ATP8B1: variants seen among roughly 807,000 people sequenced by gnomAD.
The protein encoded by ATP8B1 is phospholipid-transporting ATPase IC.
A neutral mutation model predicts 149.9 loss-of-function variants in ATP8B1; 80 were observed. The observed-to-expected ratio is 0.53, with a 90% CI of 0.45 to 0.64. The LOEUF is 0.64. ATP8B1 is among the 30% of genes least tolerant of loss of function. The probability of loss-of-function intolerance (pLI) is 0.00; values close to 1 mark genes in which losing one functional copy is unlikely to be tolerated. For synonymous variants in ATP8B1, 536 were observed against 562.8 expected, an observed-to-expected ratio of 0.95 and a Z score of 0.67; for missense variants, 1,247 against 1,552.6, an observed-to-expected ratio of 0.80 and a Z score of 3.31.
rs34422185 is a variant in ATP8B1, at chr18:57,668,554, TAAA to T, written c.2098-17_2098-15del. The stretch of plus-strand genomic sequence containing the variant: ...AGCTCCCAGGAGCTAGAATGTATAT[TAAA>T]AAAAAAAAAAAAAGGAATTAGCAAA... On this transcript the variant is annotated splice_polypyrimidine_tract_variant and intron_variant, in intron 18 of 27. Transcript: ENST00000648908. The T allele has an allele frequency of 3.3e-5, 21 of 643,504 alleles. 1 individual carries two copies. Among genetic ancestry groups the T allele is most frequent in the African/African-American group, 4.8e-5 (2 of 41,464 alleles). The allele number at this position is 643,504 out of a possible 1,614,324, so 39.9% of individuals were successfully genotyped here. A position where few individuals can be genotyped will look rare whatever the true frequency, so the allele number is the denominator to read the frequency against.
intron 16 of ATP8B1, among the ~76,000 whole-genome samples, chr18:57,672,650 T>C (rs1428491054): frequency 6.6e-6 from 1 of 151,874 alleles, no homozygotes; most frequent in Non-Finnish European, 1.5e-5. Flanking sequence ...GCCAGTCACC[T>C]GAGGTCGGCA....
intron 1 of ATP8B1, among the ~76,000 whole-genome samples, chr18:57,790,470 C>A (rs2123449055): frequency 6.6e-6 from 1 of 152,234 alleles, no homozygotes; most frequent in East Asian, 1.9e-4. Context: ...CCATGGTAGC[C>A]CCAGCATCAT....
intron 1 of ATP8B1, among the ~76,000 whole-genome samples, chr18:57,736,271 C>T (rs1426669968): frequency 6.6e-6 from 1 of 152,038 alleles, no homozygotes; most frequent in African/African-American, 2.4e-5. Flanking sequence ...TCCTATTCAG[C>T]AGGAAACACT....
intron 1 of ATP8B1, among the ~76,000 whole-genome samples, chr18:57,783,827 C>A (rs1445773979): frequency 6.6e-6 from 1 of 151,528 alleles, no homozygotes; most frequent in African/African-American, 2.4e-5. Context: ...AGAGTGAGAC[C>A]CCGTCTTAAA....
intron 2 of ATP8B1, among the ~76,000 whole-genome samples, chr18:57,713,651 T>G (rs976007115): frequency 6.6e-6 from 1 of 151,052 alleles, no homozygotes; most frequent in Non-Finnish European, 1.5e-5. Context: ...CCACCATGCT[T>G]GGCTAATTTT....
intron 13 of ATP8B1, among the ~76,000 whole-genome samples, chr18:57,687,234 T>C (rs900185649): frequency 2.6e-5 from 4 of 152,206 alleles, no homozygotes; most frequent in Non-Finnish European, 5.9e-5. Context: ...CATTAAACAG[T>C]AACTCCCAAT....
chr18:57,666,714 T>G (rs1910882002), intron 20 of ATP8B1, among the ~76,000 whole-genome samples: 1 of 152,080 alleles, frequency 6.6e-6, no homozygotes, highest in African/African-American at 2.4e-5. Context: ...TTTTGTAGTT[T>G]TAGTAGAGAC....
chr18:57,744,364 G>GA (rs1469717022), intron 1 of ATP8B1, among the ~76,000 whole-genome samples: 2 of 149,504 alleles, frequency 1.3e-5, no homozygotes, highest in African/African-American at 2.5e-5. Flanking sequence ...GTGGCAGCCA[G>GA]AAAAATGTGC....
rs767953266 is a variant in ATP8B1 at position 57,648,645 on chromosome 18, C to T, written c.3599G>A (p.Arg1200Gln). 5.7e-6 allele frequency: 9 copies of T among 1,592,762 alleles called. No homozygotes were observed. Among genetic ancestry groups the T allele is most frequent in the East Asian group, 4.6e-5 (2 of 43,580 alleles). ...GGCCGAGCGCCGCGTTGACACGCCCCGGCGGAACACCTGCTGCCGTCGCTG... is the reference window on the plus strand; with the variant it reads ...GGCCGAGCGCCGCGTTGACACGCCCTGGCGGAACACCTGCTGCCGTCGCTG... ...QWQRRQQVFR[R>Q]GVSTRRSAYA... The change falls in exon 28 of 28, where the codon CGG (arginine) becomes CAG (glutamine). Residue 1200 changes from arginine (R) to glutamine (Q), a missense_variant. Arg to Gln is a conservative substitution (Grantham distance 43). This residue lies in a region of ATP8B1 where 164 missense variants were observed against 160.3 expected (regional missense o/e 1.02). Transcript: ENST00000648908.
intron 1 of ATP8B1, among the ~76,000 whole-genome samples, chr18:57,755,072 T>A (rs1450906622): frequency 6.6e-6 from 1 of 152,192 alleles, no homozygotes; most frequent in African/African-American, 2.4e-5. Context: ...TGTCTTTACA[T>A]CTGACACCTC....
In ATP8B1 at chr18:57,784,110, C is replaced by G. The variant is rs1367807441; in HGVS notation, c.-26+18888G>C. ...GGCCAAAAGGCAAAAGATAAGGAGCCTTTCAGAGGAAGAGCTTTTCAAGCG... is the reference window on the plus strand; with the variant it reads ...GGCCAAAAGGCAAAAGATAAGGAGCGTTTCAGAGGAAGAGCTTTTCAAGCG... On this transcript the variant is annotated intron_variant, in intron 1 of 27. Coordinates refer to ENST00000648908, the MANE Select transcript of ATP8B1 (RefSeq NM_001374385.1). The surrounding 1 kb of genome is among the most constrained non-coding windows in gnomAD (Gnocchi z 4.4). 6.6e-6 allele frequency among the ~76,000 whole-genome samples: 1 copy of G among 152,192 alleles called. No individual in the cohort carries two copies. The highest frequency in any genetic ancestry group is 1.5e-5 in the Non-Finnish European group (1 of 68,034).
At chr18:57,752,730 C>T (rs985627143) in intron 1 of ATP8B1, among the ~76,000 whole-genome samples, 7 of 152,204 alleles carry the variant, frequency 4.6e-5, no homozygotes, top group South Asian at 4.1e-4. Context: ...TTGCACTTCA[C>T]AGCTTGCAAA....
Position 57,677,952 on chromosome 18 carries a change from G to GA in ATP8B1, c.1631-2931dup, listed in dbSNP as rs575991294. Among the ~76,000 whole-genome samples the GA allele has an allele frequency of 9.0e-4, 136 of 150,876 alleles. 1 individual carries two copies. The highest frequency in any genetic ancestry group is 2.8e-3 in the Admixed American group (42 of 15,144). ...ACACCTTGATATTTTTATCATTAAA[G>GA]AAAAAAAAATGTTTTCCATTACCTT... On this transcript the variant is annotated intron_variant, in intron 15 of 27. Coordinates refer to ENST00000648908, the MANE Select transcript of ATP8B1 (RefSeq NM_001374385.1).
intron 20 of ATP8B1, among the ~76,000 whole-genome samples, chr18:57,664,069 CTTTTTT>C (rs10598901): frequency 2.2e-5 from 3 of 133,752 alleles, no homozygotes; most frequent in Non-Finnish European, 1.6e-5. Flanking sequence ...CTGGCCAGCC[CTTTTTT>C]TTTTTTTTTT....
intron 1 of ATP8B1, among the ~76,000 whole-genome samples, chr18:57,756,236 C>CATATAT (rs376210260): frequency 1.9e-5 from 2 of 106,146 alleles, no homozygotes; most frequent in East Asian, 2.1e-4. Context: ...CACACACACA[C>CATATAT]ATATATACAC....
intron 23 of ATP8B1, 91 bp downstream of exon 23, chr18:57,655,103 A>G (rs1909900251): frequency 6.5e-6 from 8 of 1,226,168 alleles, no homozygotes; most frequent in South Asian, 3.8e-5. Context: ...AACTACAAAT[A>G]TAGAAGAAAT....
At position 57,648,852 on chromosome 18, in the gene ATP8B1, T is replaced by TG. The variant is rs1909382370; in HGVS notation, c.3532-141_3532-140insC. 1.1e-4 allele frequency: 60 copies of TG among 557,574 alleles called. 5 individuals are homozygous for TG. The highest frequency in any genetic ancestry group is 6.4e-4 in the African/African-American group (28 of 43,678). The allele number at this position is 557,574 out of a possible 1,614,324, so 34.5% of individuals were successfully genotyped here. ...TTGATGCAGGCAGTTCTGTCCCCAC[T>TG]TGTGTGTGTGTGTGTGTGTGTGTGT... On this transcript the variant is annotated intron_variant, in intron 27 of 27. Coordinates refer to ENST00000648908, the MANE Select transcript of ATP8B1 (RefSeq NM_001374385.1).
At chr18:57,773,214 A>AG (rs1186815005) in intron 1 of ATP8B1, among the ~76,000 whole-genome samples, 13 of 151,294 alleles carry the variant, frequency 8.6e-5, no homozygotes, top group African/African-American at 2.2e-4. Context: ...AAAAAAAAAA[A>AG]AAAAGAAAAG....
chr18:57,706,368 T>A, intron 3 of ATP8B1, 122 bp downstream of exon 3: 1 of 763,414 alleles, frequency 1.3e-6, no homozygotes, highest in South Asian at 1.5e-5. Flanking sequence ...ACAATGATGA[T>A]TATCAGTAGC....
Sources: gnomAD v4.1 joint callset for allele counts (sites outside exome capture counted in the v4.1 genomes callset) on GRCh38, gnomAD v4.1.1 for gene constraint, gnomAD v4.1.1 regional missense constraint, Gnocchi (gnomAD v3.1) non-coding constraint, MANE v1.5 for transcripts, NCBI Gene and HGNC (gene_info 2026-07-23, HGNC 2026-07-21) for gene names.